TENT2: variants seen among roughly 807,000 people sequenced by gnomAD.
TENT2 encodes the protein terminal nucleotidyltransferase 2, also known as poly(A) RNA polymerase GLD2.
In TENT2, 44 loss-of-function variants were observed where a neutral mutation model predicts 72.2. That is an observed-to-expected ratio of 0.61 (90% confidence interval 0.48 to 0.78). The LOEUF (loss-of-function observed/expected upper bound fraction) is 0.78. Among genes scored for constraint, TENT2 ranks in the 30% least tolerant of loss-of-function variants. The pLI, the probability that TENT2 is intolerant of heterozygous loss-of-function variation, is 0.00. For synonymous variants in TENT2, 212 were observed against 192.5 expected (o/e 1.10, Z -0.84); for missense variants, 541 against 569.6 (o/e 0.95, Z 0.51).
intron 7 of TENT2, among the ~76,000 whole-genome samples, chr5:79,643,966 A>G (rs989681031): frequency 6.7e-6 from 1 of 150,310 alleles, no homozygotes; most frequent in Non-Finnish European, 1.5e-5. Flanking sequence ...CATAAGTTCT[A>G]TTTTGAAGCT....
intron 13 of TENT2, 121 bp downstream of exon 13, chr5:79,679,791 GTTTAAAATTTTTAATTTTAAAAAGTCA>G: frequency 1.9e-6 from 1 of 531,036 alleles, no homozygotes; most frequent in Non-Finnish European, 2.9e-6. Flanking sequence ...AAGTCTTTTA[GTTTAAAATTTTTAATTTTAAAAAGTCA>G]TTTAAAATTT....
rs555526020 is a variant in TENT2, at chr5:79,680,924, T to C, written c.1301-1058T>C. ...CTTCTCATTATTATCTTCAGTTTCC[T>C]CGTACTCTTCTGGTTTCTTCCTGTC... On this transcript the variant is annotated intron_variant, in intron 13 of 14. Transcript: ENST00000453514. 2.0e-5 allele frequency among the ~76,000 whole-genome samples: 3 copies of C among 152,214 alleles called. No individual in the cohort carries two copies. In the South Asian group the frequency reaches 6.2e-4, roughly 32 times the overall value.
At position 79,649,205 on chromosome 5, in the gene TENT2, G is replaced by A. The variant is rs1242534735; in HGVS notation, c.1027+15G>A. The A allele has an allele frequency of 1.2e-6, 2 of 1,603,636 alleles. No individual in the cohort carries two copies. The highest frequency in any genetic ancestry group is 1.3e-5 in the African/African-American group (1 of 74,562). On this transcript the variant is annotated intron_variant, in intron 10 of 14. Transcript: ENST00000453514. ...CTATTTACAAAGTAAGTATAATGGG[G>A]TTTTACCCAATTTTTAAAAGTAAAA...
At chr5:79,618,741 G>C (rs1762439192) in intron 1 of TENT2, among the ~76,000 whole-genome samples, 1 of 152,136 alleles carries the variant, frequency 6.6e-6, no homozygotes, top group Non-Finnish European at 1.5e-5. Flanking sequence ...GGTAGGGCCT[G>C]TCAACTAGTT....
intron 14 of TENT2, 56 bp downstream of exon 14, chr5:79,682,117 C>T (rs1580700997): frequency 7.6e-7 from 1 of 1,312,462 alleles, no homozygotes; most frequent in South Asian, 1.3e-5. Context: ...ATGCTTTAAA[C>T]AGGAAAAAAT....
chr5:79,656,391 T>C (rs1011277467), intron 10 of TENT2, among the ~76,000 whole-genome samples: 2 of 151,994 alleles, frequency 1.3e-5, no homozygotes, highest in Non-Finnish European at 2.9e-5. Context: ...TTTAAAAATG[T>C]ACTAATGAGG....
chr5:79,653,692 A>G (rs1013287795), intron 10 of TENT2, among the ~76,000 whole-genome samples: 5 of 152,124 alleles, frequency 3.3e-5, no homozygotes, highest in African/African-American at 1.2e-4. Flanking sequence ...GTGTATCTCT[A>G]TACTGGCAAA....
rs76357921 is a variant in TENT2, at chr5:79,679,484, A to G, written c.1209-95A>G. ...GGGGCACAGGTTTCAGTGTTCCACA[A>G]GAAAATTGGGGTAGGCCTTAGTATT... is the stretch of plus-strand genomic sequence containing the variant. On this transcript the variant is annotated intron_variant, in intron 12 of 14. Transcript: ENST00000453514. 3.2e-4 allele frequency: 230 copies of G among 717,612 alleles called. No homozygotes were observed. In the African/African-American group the frequency reaches 3.7e-3, roughly 12 times the overall value. The allele number at this position is 717,612 out of a possible 1,614,324, so 44.5% of individuals were successfully genotyped here.
chr5:79,664,297 A>T (rs752430092), intron 11 of TENT2, among the ~76,000 whole-genome samples: 3 of 152,150 alleles, frequency 2.0e-5, no homozygotes, highest in African/African-American at 7.2e-5. Flanking sequence ...CTATAAATGA[A>T]TACTTTTGAA....
chr5:79,663,677 C>G (rs1804846010), intron 11 of TENT2, among the ~76,000 whole-genome samples: 1 of 152,062 alleles, frequency 6.6e-6, no homozygotes, highest in South Asian at 2.1e-4. Flanking sequence ...GTAGTAACAT[C>G]AAATATTACT....
intron 11 of TENT2, among the ~76,000 whole-genome samples, chr5:79,667,284 C>T (rs1432678271): frequency 2.0e-5 from 3 of 152,190 alleles, no homozygotes; most frequent in South Asian, 4.1e-4. Flanking sequence ...AAGAAGCTTT[C>T]AGAGCGGGAG....
chr5:79,682,048 A>T lies in TENT2; in HGVS notation c.1367A>T (p.Asp456Val). 3 of 1,612,452 alleles carry T rather than the reference A, an allele frequency of 1.9e-6. No individual in the cohort carries two copies. The highest frequency in any genetic ancestry group is 2.5e-6 in the Non-Finnish European group (3 of 1,178,838). ...AAGCAGAAATTTGATATGATCAAGG[A>T]TCAATTTTTAAAGGTAAACAATGCA... ...HEKQKFDMIK[D>V]QFLKSWHRLK... The change falls in exon 14 of 15, where the codon GAT (aspartate) becomes GTT (valine). Residue 456 changes from aspartate to valine, a missense_variant. Physicochemically the swap from Asp to Val is radical, Grantham distance 152. Transcript: ENST00000453514.
chr5:79,685,972 AGTGAATC>A lies in TENT2; in HGVS notation c.*702_*708del, dbSNP rs1277723085. The stretch of plus-strand genomic sequence containing the variant: ...GGGAGCACTAACTCTTACAACAGTT[AGTGAATC>A]GTTTTAAAGAATCAGTTCAGTGTAG... On this transcript the variant is annotated 3_prime_UTR_variant, in exon 15 of 15. Transcript: ENST00000453514. 1 of 152,662 alleles carries A rather than the reference AGTGAATC, an allele frequency of 6.6e-6. No individual in the cohort carries two copies. Among genetic ancestry groups the A allele is most frequent in the Non-Finnish European group, 1.5e-5 (1 of 68,044 alleles). The allele number at this position is 152,662 out of a possible 1,614,324, so 9.5% of individuals were successfully genotyped here.
chr5:79,640,114 G>A (rs1783236335), intron 4 of TENT2, among the ~76,000 whole-genome samples: 1 of 152,098 alleles, frequency 6.6e-6, no homozygotes, highest in Non-Finnish European at 1.5e-5. Context: ...AAATTAGCTG[G>A]GTGTGGTGGC....
At chr5:79,619,060 C>T (rs969305339) in intron 1 of TENT2, among the ~76,000 whole-genome samples, 3 of 152,246 alleles carry the variant, frequency 2.0e-5, no homozygotes, top group Middle Eastern at 3.4e-3. Flanking sequence ...ATTCTGATTG[C>T]TTTGTACAAT....
intron 4 of TENT2, among the ~76,000 whole-genome samples, chr5:79,623,857 C>T (rs1767083041): frequency 6.6e-6 from 1 of 151,032 alleles, no homozygotes; most frequent in Non-Finnish European, 1.5e-5. Context: ...TGTGTTATAA[C>T]ATGAGGTTTT....
chr5:79,654,739 G>A (rs903432825), intron 10 of TENT2, among the ~76,000 whole-genome samples: 4 of 151,720 alleles, frequency 2.6e-5, no homozygotes, highest in Non-Finnish European at 4.4e-5. Context: ...ACTCCAGCCT[G>A]GGTGACAGAG....
intron 4 of TENT2, among the ~76,000 whole-genome samples, chr5:79,637,044 C>A (rs1178082497): frequency 6.6e-6 from 1 of 151,912 alleles, no homozygotes; most frequent in African/African-American, 2.4e-5. Context: ...ACCCTGCAGC[C>A]TGGGCAAAAT....
chr5:79,632,436 A>T (rs72766801), intron 4 of TENT2, among the ~76,000 whole-genome samples: 15 of 152,276 alleles, frequency 9.9e-5, no homozygotes, highest in Non-Finnish European at 2.2e-4. Flanking sequence ...AGAAGAATAT[A>T]TGGTTTTCTG....
Sources: gnomAD v4.1 joint callset for allele counts (sites outside exome capture counted in the v4.1 genomes callset) on GRCh38, gnomAD v4.1.1 for gene constraint, MANE v1.5 for transcripts, NCBI Gene and HGNC (gene_info 2026-07-23, HGNC 2026-07-21) for gene names.